MRPL13: variants seen among roughly 807,000 people sequenced by gnomAD.
The protein encoded by MRPL13 is large ribosomal subunit protein uL13m.
Under a neutral mutation model 29.0 loss-of-function variants are expected in MRPL13, and 33 were observed. The observed-to-expected ratio is 1.14, with a 90% CI of 0.86 to 1.52. MRPL13 has a LOEUF of 1.52. Among genes scored for constraint, MRPL13 ranks in the 40% most tolerant of loss-of-function variants. MRPL13 has a pLI of 0.00. For synonymous variants in MRPL13, 77 were observed against 68.4 expected (o/e 1.13, Z -0.62); for missense variants, 227 against 216.7 (o/e 1.05, Z -0.30).
chr8:120,401,236 C>T (rs1266817787), intron 6 of MRPL13, among the ~76,000 whole-genome samples: 1 of 152,100 alleles, frequency 6.6e-6, no homozygotes, highest in African/African-American at 2.4e-5. Context: ...TGATGAACAT[C>T]GATGCAAAAA....
intron 6 of MRPL13, among the ~76,000 whole-genome samples, chr8:120,408,997 G>A (rs1440331842): frequency 2.6e-5 from 4 of 152,034 alleles, no homozygotes; most frequent in Non-Finnish European, 4.4e-5. Context: ...TCCTACTTTC[G>A]AAGAGACAGT....
At chr8:120,428,866 T>A (rs1376830439) in intron 3 of MRPL13, among the ~76,000 whole-genome samples, 3 of 151,196 alleles carry the variant, frequency 2.0e-5, no homozygotes, top group African/African-American at 4.9e-5. Context: ...GAAAAAGGAA[T>A]GCTTTTACAC....
chr8:120,401,018 A>G (rs1428668440), intron 6 of MRPL13, among the ~76,000 whole-genome samples: 1 of 152,052 alleles, frequency 6.6e-6, no homozygotes, highest in Non-Finnish European at 1.5e-5. Flanking sequence ...TAGCTCACCA[A>G]CCAAAAAACA....
At chr8:120,400,743 A>AAT (rs1203396504) in intron 6 of MRPL13, among the ~76,000 whole-genome samples, 9 of 70,414 alleles carry the variant, frequency 1.3e-4, no homozygotes, top group African/African-American at 8.8e-4. Flanking sequence ...TAAATAAATA[A>AAT]AAAAAATAGA....
intron 2 of MRPL13, among the ~76,000 whole-genome samples, chr8:120,442,868 A>C (rs1397797615): frequency 6.6e-6 from 1 of 152,160 alleles, no homozygotes; most frequent in African/African-American, 2.4e-5. Flanking sequence ...TCATCACGTG[A>C]AAAGACATAT....
chr8:120,443,151 C>A, intron 2 of MRPL13, 34 bp downstream of exon 2: 1 of 1,463,908 alleles, frequency 6.8e-7, no homozygotes, highest in Non-Finnish European at 9.1e-7. Flanking sequence ...ATGAAAACTA[C>A]AGTGGTTAAT....
chr8:120,434,881 T>C (rs1409518151), intron 2 of MRPL13, among the ~76,000 whole-genome samples: 2 of 152,296 alleles, frequency 1.3e-5, no homozygotes, highest in East Asian at 3.9e-4. Flanking sequence ...TACTTTGTTC[T>C]AGCATTTGTA....
chr8:120,443,262 A>G lies in MRPL13; in HGVS notation c.74T>C (p.Met25Thr). The stretch of plus-strand genomic sequence containing the variant: ...AGCAGCAAGTTTGCCAGGTGGCTGC[A>G]TTTTCCCATCTAAGAGATACCATAT... ...ARIWYLLDGK[M>T]QPPGKLAAMA... The change falls in exon 2 of 7, where the codon ATG (methionine) becomes ACG (threonine). Residue 25 changes from methionine (M) to threonine (T), a missense_variant. Met to Thr is a moderately conservative substitution (Grantham distance 81). Coordinates refer to ENST00000306185, the MANE Select transcript of MRPL13 (RefSeq NM_014078.6). 6.2e-7 allele frequency: 1 copy of G among 1,608,556 alleles called. No homozygotes were observed. Among genetic ancestry groups the G allele is most frequent in the Non-Finnish European group, 8.5e-7 (1 of 1,177,760 alleles).
intron 4 of MRPL13, 135 bp from the exon 5 acceptor site, chr8:120,420,073 A>G (rs1373325007): frequency 4.4e-6 from 2 of 457,866 alleles, no homozygotes; most frequent in Non-Finnish European, 7.3e-6. Flanking sequence ...ACCTAAGTGG[A>G]TATGTGGAAG....
At chr8:120,413,134 G>A (rs938574134) in intron 6 of MRPL13, among the ~76,000 whole-genome samples, 2 of 152,056 alleles carry the variant, frequency 1.3e-5, no homozygotes, top group African/African-American at 2.4e-5. Context: ...ATGAAAAGTG[G>A]TCTTTGCTTC....
chr8:120,397,190 C>T (rs531609055), intron 6 of MRPL13, among the ~76,000 whole-genome samples: 2 of 150,432 alleles, frequency 1.3e-5, no homozygotes, highest in Admixed American at 1.3e-4. Context: ...GAGCCCACAC[C>T]ACCAGGGCCT....
chr8:120,425,241 A>C, intron 4 of MRPL13, 65 bp downstream of exon 4: 1 of 1,227,742 alleles, frequency 8.1e-7, no homozygotes, highest in Admixed American at 1.8e-5. Context: ...GAGAAGGGAG[A>C]CTGACAAAAC....
chr8:120,403,534 A>C (rs991442979), intron 6 of MRPL13, among the ~76,000 whole-genome samples: 1 of 152,126 alleles, frequency 6.6e-6, no homozygotes, highest in African/African-American at 2.4e-5. Context: ...TAGCGAATGG[A>C]TGCTGGAGAT....
At chr8:120,417,479 T>C (rs967386362) in intron 5 of MRPL13, among the ~76,000 whole-genome samples, 31 of 152,182 alleles carry the variant, frequency 2.0e-4, no homozygotes, top group African/African-American at 7.2e-4. Context: ...TTTTATATGA[T>C]ATTCTTCTAT....
At chr8:120,402,253 C>T (rs1812606572) in intron 6 of MRPL13, among the ~76,000 whole-genome samples, 1 of 152,194 alleles carries the variant, frequency 6.6e-6, no homozygotes, top group Non-Finnish European at 1.5e-5. Flanking sequence ...TCAAACTATA[C>T]TACAAAGCTA....
chr8:120,440,768 G>C (rs1321806699), intron 2 of MRPL13, among the ~76,000 whole-genome samples: 1 of 151,684 alleles, frequency 6.6e-6, no homozygotes, highest in Non-Finnish European at 1.5e-5. Flanking sequence ...AGGTAACAGG[G>C]ACCATATTAT....
At chr8:120,402,422 T>C (rs1224039061) in intron 6 of MRPL13, among the ~76,000 whole-genome samples, 2 of 152,154 alleles carry the variant, frequency 1.3e-5, no homozygotes, top group Non-Finnish European at 2.9e-5. Context: ...ACTCAATAAA[T>C]GGTGCTGGGA....
chr8:120,438,466 C>A (rs767848135), intron 2 of MRPL13, among the ~76,000 whole-genome samples: 3 of 152,206 alleles, frequency 2.0e-5, no homozygotes, highest in Non-Finnish European at 4.4e-5. Flanking sequence ...TCATCCATAT[C>A]TAAGGTATGC....
chr8:120,444,968 C>A, intron 1 of MRPL13, 100 bp downstream of exon 1: 1 of 1,547,534 alleles, frequency 6.5e-7, no homozygotes, highest in Non-Finnish European at 8.9e-7. Flanking sequence ...AGGGTCTCGG[C>A]TTCCCTGCCG....
Sources: allele counts gnomAD v4.1 joint callset (sites outside exome capture counted in the v4.1 genomes callset), GRCh38; gene constraint gnomAD v4.1.1; transcripts MANE v1.5; gene names NCBI Gene and HGNC (gene_info 2026-07-23, HGNC 2026-07-21).